The following SMAD2 variants were observed in gnomAD, a reference collection of about 807,000 sequenced individuals.
SMAD2 encodes MAD homolog 2.
A neutral mutation model predicts 64.4 loss-of-function variants in SMAD2; 8 were observed. The ratio of observed to expected loss-of-function variants is 0.12; its 90% CI spans 0.07 to 0.22. SMAD2 has a LOEUF of 0.22. Ranked by LOEUF, SMAD2 falls within the 10% of genes least tolerant of loss-of-function variation. The probability of loss-of-function intolerance (pLI) is 1.00; values close to 1 mark genes in which losing one functional copy is unlikely to be tolerated. For missense variants in SMAD2, 289 were observed against 561.2 expected (o/e 0.51, Z 4.90); for synonymous variants, 203 against 195.8 (o/e 1.04, Z -0.31).
intron 1 of SMAD2, among the ~76,000 whole-genome samples, chr18:47,899,706 C>T (rs768797136): frequency 3.3e-5 from 5 of 152,086 alleles, no homozygotes; most frequent in Non-Finnish European, 7.4e-5. Context: ...CAAATTAGTC[C>T]ATTAGATAGG....
In SMAD2 at chr18:47,837,591, G is replaced by A. The variant is rs1174936789; in HGVS notation, c.*4236C>T. ...AAAAAAAAAAAAAACAAAAAACAAGGCTAACAAGAAAGAGGATAACCAGCA... is the reference window on the plus strand; with the variant it reads ...AAAAAAAAAAAAAACAAAAAACAAGACTAACAAGAAAGAGGATAACCAGCA... On this transcript the variant is annotated 3_prime_UTR_variant, in exon 11 of 11. Transcript: ENST00000262160. 3 of 226,448 alleles carry A rather than the reference G, an allele frequency of 1.3e-5. No individual in the cohort carries two copies. Among genetic ancestry groups the A allele is most frequent in the Non-Finnish European group, 2.6e-5 (3 of 115,654 alleles). The allele number at this position is 226,448 out of a possible 1,614,324, so 14.0% of individuals were successfully genotyped here. A position where few individuals can be genotyped will look rare whatever the true frequency, so the allele number is the denominator to read the frequency against.
rs1232261850 is a variant in SMAD2, at chr18:47,851,264, T to G, written c.784+10A>C. 1 of 1,590,982 alleles carries G rather than the reference T, an allele frequency of 6.3e-7. No individual in the cohort carries two copies. ...ATAAAAATGATGAGGGGAACATATG[T>G]GCAACTTACCCAAGCTATGATTAAC... On this transcript the variant is annotated intron_variant, in intron 7 of 10. Coordinates refer to ENST00000262160, the MANE Select transcript of SMAD2 (RefSeq NM_005901.6).
At chr18:47,887,783 T>C (rs2032987955) in intron 2 of SMAD2, among the ~76,000 whole-genome samples, 4 of 152,168 alleles carry the variant, frequency 2.6e-5, no homozygotes, top group Admixed American at 6.5e-5. Flanking sequence ...AGTCTATTTA[T>C]CTCTCAAACC....
At chr18:47,894,636 A>C (rs1396193460) in intron 2 of SMAD2, among the ~76,000 whole-genome samples, 1 of 152,206 alleles carries the variant, frequency 6.6e-6, no homozygotes, top group Non-Finnish European at 1.5e-5. Flanking sequence ...GTATTCCTCC[A>C]GAAGGAAACT....
At position 47,835,784 on chromosome 18, in the gene SMAD2, T is replaced by C. The variant is rs1194639915; in HGVS notation, c.*6043A>G. 4.2e-5 allele frequency: 8 copies of C among 189,828 alleles called. No individual in the cohort carries two copies. Among genetic ancestry groups the C allele is most frequent in the South Asian group, 1.9e-4 (1 of 5,154 alleles). The allele number at this position is 189,828 out of a possible 1,614,324, so 11.8% of individuals were successfully genotyped here. ...CTTCACTTTTGTCCTTAAATCAATA[T>C]ATTACGGATTTCATTGTTCAATAAA... On this transcript the variant is annotated 3_prime_UTR_variant, in exon 11 of 11. Transcript: ENST00000262160.
intron 10 of SMAD2, 64 bp downstream of exon 10, chr18:47,845,276 T>A (rs768164185): frequency 7.0e-7 from 1 of 1,422,208 alleles, no homozygotes. Context: ...CTCCAGAATA[T>A]GCAAGAATGC....
intron 1 of SMAD2, among the ~76,000 whole-genome samples, chr18:47,898,526 T>G (rs1361898724): frequency 6.6e-6 from 1 of 152,146 alleles, no homozygotes; most frequent in Non-Finnish European, 1.5e-5. Flanking sequence ...AAGATGCAAA[T>G]TTATTTCCCA....
rs575273785 is a variant in SMAD2, at chr18:47,844,008, A to G, written c.1280+1332T>C. On this transcript the variant is annotated intron_variant, in intron 10 of 10. Transcript: ENST00000262160. ...GAAATCTTATTAGACAATATAATTT[A>G]AATCTAATTTTGCTATCAACTCAGG... Among the ~76,000 whole-genome samples the G allele has an allele frequency of 2.6e-5, 4 of 152,352 alleles. No individual in the cohort carries two copies. In the South Asian group the frequency reaches 8.3e-4, roughly 32 times the overall value.
intron 2 of SMAD2, among the ~76,000 whole-genome samples, chr18:47,896,259 A>G (rs1361589864): frequency 6.6e-6 from 1 of 152,262 alleles, no homozygotes; most frequent in East Asian, 1.9e-4. Context: ...GTATCATTCA[A>G]TCACGGAAAT....
At chr18:47,911,895 G>A (rs1304639770) in intron 1 of SMAD2, among the ~76,000 whole-genome samples, 2 of 152,184 alleles carry the variant, frequency 1.3e-5, no homozygotes, top group Non-Finnish European at 2.9e-5. Context: ...CTATCAGGCA[G>A]CAAAAAGTGT....
chr18:47,816,533 G>A lies in SMAD2; in HGVS notation c.*25294C>T, dbSNP rs1912374776. The stretch of plus-strand genomic sequence containing the variant: ...TTTCTATGTACTGTGAAAGCTTTTG[G>A]GAAAATAAAGCAGCTTGTGTTACAA... On this transcript the variant is annotated 3_prime_UTR_variant, in exon 11 of 11. Transcript: ENST00000262160. The A allele has an allele frequency of 1.3e-5, 2 of 151,990 alleles. No individual in the cohort carries two copies. The highest frequency in any genetic ancestry group is 2.9e-5 in the Non-Finnish European group (2 of 68,008). 9.4% of individuals were successfully genotyped at this position (151,990 alleles called of 1,614,324 possible).
intron 6 of SMAD2, among the ~76,000 whole-genome samples, chr18:47,859,656 T>C (rs12607804): frequency 0.26 from 39,556 of 152,020 alleles, 6,198 homozygotes; most frequent in East Asian, 0.36. Flanking sequence ...GAGGGAAATT[T>C]ATAGCTTTAA....
At position 47,815,287 on chromosome 18, in the gene SMAD2, T is replaced by C. The variant is rs1912330942; in HGVS notation, c.*26540A>G. On this transcript the variant is annotated 3_prime_UTR_variant, in exon 11 of 11. Transcript: ENST00000262160. ...CACACCTTCCCAAAACCAGATGGGA[T>C]GCATGAGAAATTGATGTGAAATGAA... 2 of 152,226 alleles carry C rather than the reference T, an allele frequency of 1.3e-5. No homozygotes were observed. Among genetic ancestry groups the C allele is most frequent in the Admixed American group, 1.3e-4 (2 of 15,288 alleles). 9.4% of individuals were successfully genotyped at this position (152,226 alleles called of 1,614,324 possible).
chr18:47,841,849 A>G lies in SMAD2; in HGVS notation c.1382T>C (p.Val461Ala). Residue 461 changes from valine (V) to alanine (A), a missense_variant, in exon 11 of 11, where the codon GTG (valine) becomes GCG (alanine). Transcript: ENST00000262160. ...GCTTTATGACATGCTTGAGCAACGC[A>G]CTGAAGGGGATCCCATCTGAGTTAA... ...KVLTQMGSPS[V>A]RCSSMS The G allele has an allele frequency of 6.2e-7, 1 of 1,614,182 alleles. No individual in the cohort carries two copies. The highest frequency in any genetic ancestry group is 8.5e-7 in the Non-Finnish European group (1 of 1,180,012).
Position 47,831,617 on chromosome 18 carries a change from A to G in SMAD2, c.*10210T>C, listed in dbSNP as rs1912995974. 1 of 152,326 alleles carries G rather than the reference A, an allele frequency of 6.6e-6. No homozygotes were observed. Among genetic ancestry groups the G allele is most frequent in the South Asian group, 2.1e-4 (1 of 4,832 alleles). The allele number at this position is 152,326 out of a possible 1,614,324, so 9.4% of individuals were successfully genotyped here. ...ATGCAGTTTGGACGGGAGCACAGTA[A>G]TACATTCTGTTCTCATGTAGCTTCC... On this transcript the variant is annotated 3_prime_UTR_variant, in exon 11 of 11. Coordinates refer to ENST00000262160, the MANE Select transcript of SMAD2 (RefSeq NM_005901.6).
chr18:47,876,524 T>A (rs2032273110), intron 2 of SMAD2, among the ~76,000 whole-genome samples: 1 of 151,992 alleles, frequency 6.6e-6, no homozygotes, highest in Non-Finnish European at 1.5e-5. Flanking sequence ...ATATCTAGCT[T>A]AAATTAAAAA....
At chr18:47,902,624 C>T (rs747953) in intron 1 of SMAD2, among the ~76,000 whole-genome samples, 96,537 of 152,064 alleles carry the variant, frequency 0.63, 31,635 homozygotes, top group East Asian at 0.82. Flanking sequence ...AGACTATATA[C>T]TTAAAAAGTA....
chr18:47,863,956 A>G (rs184084073), intron 6 of SMAD2, among the ~76,000 whole-genome samples: 90 of 152,118 alleles, frequency 5.9e-4, no homozygotes, highest in Non-Finnish European at 1.2e-3. Flanking sequence ...TCCTTTTTTG[A>G]TTATAGCATC....
At chr18:47,849,024 C>G (rs559720815) in intron 7 of SMAD2, among the ~76,000 whole-genome samples, 1 of 152,224 alleles carries the variant, frequency 6.6e-6, no homozygotes, top group South Asian at 2.1e-4. Flanking sequence ...AGTCAACTTG[C>G]CATACTTGGT....
Sources: gnomAD v4.1 joint callset for allele counts (sites outside exome capture counted in the v4.1 genomes callset) on GRCh38, gnomAD v4.1.1 for gene constraint, MANE v1.5 for transcripts, NCBI Gene and HGNC (gene_info 2026-07-23, HGNC 2026-07-21) for gene names.